Variants in EPM2A observed in about 807,000 individuals in gnomAD.
EPM2A encodes laforin.
In EPM2A, 21 loss-of-function variants were observed where a neutral mutation model predicts 26.5. That is an observed-to-expected ratio of 0.79 (90% CI 0.56 to 1.14). The LOEUF (loss-of-function observed/expected upper bound fraction) is 1.14. EPM2A is among the 50% of genes most tolerant of loss of function. The pLI is 0.00. For synonymous variants in EPM2A, 217 were observed against 177.6 expected, an observed-to-expected ratio of 1.22 and a Z score of -1.76; for missense variants, 458 against 440.8, an observed-to-expected ratio of 1.04 and a Z score of -0.35.
chr6:145,544,626 G>A (rs556792253), intron 2 of EPM2A, among the ~76,000 whole-genome samples: 2 of 152,234 alleles, frequency 1.3e-5, no homozygotes, highest in African/African-American at 4.8e-5. Context: ...CCTAATAAAA[G>A]TGATAGGTTT....
chr6:145,482,485 C>T (rs1308278580), intron 4 of EPM2A, among the ~76,000 whole-genome samples: 1 of 152,076 alleles, frequency 6.6e-6, no homozygotes, highest in Admixed American at 6.6e-5. Flanking sequence ...TGTTTGATCA[C>T]AGTCCATGGA....
chr6:145,468,341 A>G (rs1224575137), intron 4 of EPM2A, among the ~76,000 whole-genome samples: 1 of 152,106 alleles, frequency 6.6e-6, no homozygotes, highest in African/African-American at 2.4e-5. Flanking sequence ...GTTCCTCATA[A>G]AAGCCACCAA....
intron 4 of EPM2A, among the ~76,000 whole-genome samples, chr6:145,454,460 A>G: frequency 6.6e-6 from 1 of 152,166 alleles, no homozygotes; most frequent in Middle Eastern, 3.2e-3. Context: ...GAGGGGAGAT[A>G]AAAGATAGCA....
intron 4 of EPM2A, among the ~76,000 whole-genome samples, chr6:145,496,523 C>T (rs1779822421): frequency 6.6e-6 from 1 of 152,022 alleles, no homozygotes; most frequent in South Asian, 2.1e-4. Context: ...TTGTTCATTC[C>T]TTTTCATTCT....
chr6:145,489,781 G>C, intron 4 of EPM2A: 1 of 1,441,610 alleles, frequency 6.9e-7, no homozygotes, highest in Non-Finnish European at 9.8e-7. Flanking sequence ...CTCTTCTCTC[G>C]GTTCATAGAT....
At chr6:145,696,496 T>C (rs1271234527) in intron 1 of EPM2A, among the ~76,000 whole-genome samples, 1 of 152,130 alleles carries the variant, frequency 6.6e-6, no homozygotes, top group African/African-American at 2.4e-5. Context: ...ATTCCACATA[T>C]ATACTCATAT....
At chr6:145,489,974 A>C in intron 4 of EPM2A, 1 of 1,387,878 alleles carries the variant, frequency 7.2e-7, no homozygotes, top group South Asian at 1.3e-5. Context: ...GTGTGAACAA[A>C]GTACCTGGCT....
intron 2 of EPM2A, among the ~76,000 whole-genome samples, chr6:145,614,401 G>C (rs1000557623): frequency 6.6e-6 from 1 of 152,208 alleles, no homozygotes; most frequent in Non-Finnish European, 1.5e-5. Context: ...GTATTTGCTG[G>C]AGTAACACTT....
chr6:145,386,083 A>G (rs1354765852), intron 4 of EPM2A, among the ~76,000 whole-genome samples: 4 of 152,140 alleles, frequency 2.6e-5, no homozygotes, highest in Non-Finnish European at 5.9e-5. Context: ...ACTAAATTCA[A>G]TAGAATATTC....
intron 1 of EPM2A, among the ~76,000 whole-genome samples, chr6:145,709,504 C>T (rs978067262): frequency 7.2e-5 from 11 of 152,178 alleles, no homozygotes; most frequent in African/African-American, 2.7e-4. Context: ...TAAGATATGA[C>T]TTTGCTCCTC....
chr6:145,547,625 T>C (rs1780600264), intron 2 of EPM2A, among the ~76,000 whole-genome samples: 1 of 152,186 alleles, frequency 6.6e-6, no homozygotes, highest in Non-Finnish European at 1.5e-5. Context: ...TGTAAAATTA[T>C]GTTACACATT....
chr6:145,642,290 T>A (rs1195026804), intron 2 of EPM2A, among the ~76,000 whole-genome samples: 1 of 152,230 alleles, frequency 6.6e-6, no homozygotes, highest in Non-Finnish European at 1.5e-5. Context: ...TATTTAATTT[T>A]TTTTTTACTT....
chr6:145,412,996 T>C (rs1778663205), intron 4 of EPM2A, among the ~76,000 whole-genome samples: 1 of 152,166 alleles, frequency 6.6e-6, no homozygotes, highest in Admixed American at 6.5e-5. Flanking sequence ...AAGGAGTCTA[T>C]GGTAATTTAG....
At chr6:145,704,225 C>G (rs6914491) in intron 1 of EPM2A, among the ~76,000 whole-genome samples, 10,151 of 152,058 alleles carry the variant, frequency 0.067, 1,138 homozygotes, top group African/African-American at 0.23. Context: ...TATCTGAATT[C>G]TTTGAGAGAA....
At chr6:145,556,178 A>G (rs1321669249) in intron 2 of EPM2A, among the ~76,000 whole-genome samples, 1 of 152,188 alleles carries the variant, frequency 6.6e-6, no homozygotes, top group East Asian at 1.9e-4. Flanking sequence ...TGTGAATAGA[A>G]CACATGATAA....
chr6:145,422,854 G>A (rs1231075194), intron 4 of EPM2A, among the ~76,000 whole-genome samples: 1 of 151,936 alleles, frequency 6.6e-6, no homozygotes, highest in African/African-American at 2.4e-5. Flanking sequence ...CAATCAATAA[G>A]GGTCCTGTTG....
chr6:145,577,008 A>G (rs1781041059), intron 2 of EPM2A, among the ~76,000 whole-genome samples: 4 of 151,086 alleles, frequency 2.6e-5, no homozygotes, highest in African/African-American at 9.7e-5. Flanking sequence ...CCACATTGTC[A>G]AAACCTATAC....
At chr6:145,385,279 A>T (rs1209898779) in intron 4 of EPM2A, among the ~76,000 whole-genome samples, 2 of 133,186 alleles carry the variant, frequency 1.5e-5, no homozygotes, top group African/African-American at 5.6e-5. Flanking sequence ...CTGTCTAATA[A>T]GATGATCTGC....
Position 145,625,869 on chromosome 6 carries a change from T to A in EPM2A, c.*1547A>T. On this transcript the variant is annotated 3_prime_UTR_variant, in exon 4 of 4. Coordinates refer to ENST00000367519, the MANE Select transcript of EPM2A (RefSeq NM_005670.4). ...TCTTGCATCTATCAATATGTGTTTG[T>A]GGAAGAAAGGAAGGTGCAGAAAAAT... is the stretch of plus-strand genomic sequence containing the variant. 6.7e-7 allele frequency: 1 copy of A among 1,499,996 alleles called. No individual in the cohort carries two copies. Among genetic ancestry groups the A allele is most frequent in the East Asian group, 2.5e-5 (1 of 40,260 alleles). The allele number at this position is 1,499,996 out of a possible 1,614,324, so 92.9% of individuals were successfully genotyped here. A position where few individuals can be genotyped will look rare whatever the true frequency, so the allele number is the denominator to read the frequency against.
Sources: gnomAD v4.1 joint callset for allele counts (sites outside exome capture counted in the v4.1 genomes callset) on GRCh38, gnomAD v4.1.1 for gene constraint, MANE v1.5 for transcripts, NCBI Gene and HGNC (gene_info 2026-07-23, HGNC 2026-07-21) for gene names.